FSTL4: variants seen among roughly 807,000 people sequenced by gnomAD.
FSTL4 encodes the protein follistatin like 4.
Under a neutral mutation model 78.2 loss-of-function variants are expected in FSTL4, and 28 were observed. That is an observed-to-expected ratio of 0.36 (90% CI 0.27 to 0.49). The LOEUF is 0.49. Among genes scored for constraint, FSTL4 ranks in the 20% least tolerant of loss-of-function variants. The pLI, the probability that FSTL4 is intolerant of heterozygous loss-of-function variation, is 0.98. For missense variants in FSTL4, 922 were observed against 1,084.9 expected (o/e 0.85, Z 2.11); for synonymous variants, 422 against 440.5 (o/e 0.96, Z 0.53).
At chr5:133,760,595 C>T in the FSTL4 span, among the ~76,000 whole-genome samples, 1 of 152,080 alleles carries the variant, frequency 6.6e-6, no homozygotes, top group Admixed American at 6.5e-5. Flanking sequence ...TGTCGTTTTC[C>T]CAAAATCCCA....
intron 4 of FSTL4, among the ~76,000 whole-genome samples, chr5:133,344,418 G>T (rs1035552655): frequency 6.6e-6 from 1 of 152,186 alleles, no homozygotes; most frequent in Non-Finnish European, 1.5e-5. Context: ...ACATTCTGAT[G>T]ATGTAACCCT....
At chr5:133,330,057 T>C (rs927548252) in intron 4 of FSTL4, among the ~76,000 whole-genome samples, 1 of 152,178 alleles carries the variant, frequency 6.6e-6, no homozygotes, top group Non-Finnish European at 1.5e-5. Flanking sequence ...AATATTCAAG[T>C]TGTCAACATA....
At chr5:133,641,856 T>G in the FSTL4 span, among the ~76,000 whole-genome samples, 1 of 152,020 alleles carries the variant, frequency 6.6e-6, no homozygotes, top group African/African-American at 2.4e-5. Context: ...TTCTTCTTCT[T>G]CTTACCTTTC....
At chr5:133,708,681 C>T in the FSTL4 span, among the ~76,000 whole-genome samples, 1 of 152,244 alleles carries the variant, frequency 6.6e-6, no homozygotes, top group African/African-American at 2.4e-5. Flanking sequence ...GCAACTCTAT[C>T]TCCTGACATT....
the FSTL4 span, among the ~76,000 whole-genome samples, chr5:133,697,634 C>T: frequency 6.6e-6 from 1 of 152,198 alleles, no homozygotes; most frequent in Non-Finnish European, 1.5e-5. Flanking sequence ...CTGAAATGGG[C>T]CCCTTCTGGT....
At chr5:133,709,540 C>G in the FSTL4 span, among the ~76,000 whole-genome samples, 1 of 152,266 alleles carries the variant, frequency 6.6e-6, no homozygotes, top group African/African-American at 2.4e-5. Flanking sequence ...CCATCAGCTG[C>G]TCTTGGCATG....
At chr5:133,256,258 C>G (rs150845522) in intron 6 of FSTL4, among the ~76,000 whole-genome samples, 224 of 152,280 alleles carry the variant, frequency 1.5e-3, no homozygotes, top group African/African-American at 5.1e-3. Context: ...ACATTATTCT[C>G]CTTCTAAATT....
intron 3 of FSTL4, among the ~76,000 whole-genome samples, chr5:133,550,423 G>A (rs895253870): frequency 6.6e-6 from 1 of 152,096 alleles, no homozygotes; most frequent in African/African-American, 2.4e-5. Flanking sequence ...ATTCACCAAA[G>A]ACATCCTAGT....
chr5:133,766,870 T>C, the FSTL4 span, among the ~76,000 whole-genome samples: 578 of 152,328 alleles, frequency 3.8e-3, 1 homozygote, highest in Non-Finnish European at 6.1e-3. Flanking sequence ...TGGGTTCTTT[T>C]GATGCTTCCC....
In FSTL4 at chr5:133,385,923, A is replaced by ATG. The variant is rs199825783; in HGVS notation, c.409+14813_409+14814dup. Among the ~76,000 whole-genome samples, 114 of 152,288 alleles carry ATG rather than the reference A, an allele frequency of 7.5e-4. 3 individuals carry two copies. The East Asian group carries it at 0.022, about 29-fold the overall frequency. On this transcript the variant is annotated intron_variant, in intron 4 of 15. Coordinates refer to ENST00000265342, the MANE Select transcript of FSTL4 (RefSeq NM_015082.2). ...GCCCAGTTGCTGAATGATAATCACT[A>ATG]TGTGTGTGTGTTTTTTTTTTAAATT...
intron 13 of FSTL4, among the ~76,000 whole-genome samples, chr5:133,216,818 G>A (rs908448266): frequency 2.6e-5 from 4 of 152,168 alleles, no homozygotes; most frequent in African/African-American, 9.7e-5. Context: ...GCCCTTGCTT[G>A]GCCTGACTTC....
At chr5:133,344,767 C>T (rs564506930) in intron 4 of FSTL4, among the ~76,000 whole-genome samples, 36 of 152,302 alleles carry the variant, frequency 2.4e-4, no homozygotes, top group East Asian at 7.7e-4. Context: ...TGAAGACTTG[C>T]TTTTCAGAAC....
At chr5:133,359,307 G>T (rs1191342968) in intron 4 of FSTL4, among the ~76,000 whole-genome samples, 1 of 152,194 alleles carries the variant, frequency 6.6e-6, no homozygotes, top group African/African-American at 2.4e-5. Flanking sequence ...AGAAGGCAGG[G>T]ACTGTATCTA....
chr5:133,576,309 C>T (rs1466072215), intron 2 of FSTL4, among the ~76,000 whole-genome samples: 4 of 152,184 alleles, frequency 2.6e-5, no homozygotes, highest in Non-Finnish European at 2.9e-5. Flanking sequence ...ATCATAGTCA[C>T]GCCTCTCCAT....
At chr5:133,455,577 A>C (rs1369043847) in intron 3 of FSTL4, among the ~76,000 whole-genome samples, 1 of 152,214 alleles carries the variant, frequency 6.6e-6, no homozygotes, top group African/African-American at 2.4e-5. Context: ...ATGCAGACTT[A>C]GCCAGCTGAA....
chr5:133,772,971 A>G, the FSTL4 span, among the ~76,000 whole-genome samples: 1 of 152,234 alleles, frequency 6.6e-6, no homozygotes, highest in African/African-American at 2.4e-5. Flanking sequence ...AGCACTTAAT[A>G]TGGCACCTAA....
the FSTL4 span, among the ~76,000 whole-genome samples, chr5:133,708,179 G>A: frequency 7.5e-6 from 1 of 133,118 alleles, no homozygotes. Flanking sequence ...AGGGAGGGAG[G>A]GAGAGGTGGG....
rs757606367 is a variant in FSTL4 at position 133,400,768 on chromosome 5, C to T, written c.379G>A (p.Val127Ile). The T allele has an allele frequency of 9.3e-6, 15 of 1,613,944 alleles. No homozygotes were observed. Among genetic ancestry groups the T allele is most frequent in the South Asian group, 2.2e-5 (2 of 91,080 alleles). ...AACLLGKRIT[V>I]IHSKDCFLKG... Reference sequence around the variant, plus strand: ...AGGAAACAGTCCTTGCTGTGGATGACGGTGATCCTCTTTCCCAGGAGGCAA... The same window carrying T: ...AGGAAACAGTCCTTGCTGTGGATGATGGTGATCCTCTTTCCCAGGAGGCAA... Residue 127 changes from valine to isoleucine, a missense_variant, in exon 4 of 16, where the codon GTC (valine) becomes ATC (isoleucine). Transcript: ENST00000265342.
At chr5:133,534,032 T>G (rs1170184797) in intron 3 of FSTL4, among the ~76,000 whole-genome samples, 1 of 152,158 alleles carries the variant, frequency 6.6e-6, no homozygotes, top group African/African-American at 2.4e-5. Flanking sequence ...TTTGTGCTAC[T>G]ATAACAGAAT....
Sources: allele counts gnomAD v4.1 joint callset (sites outside exome capture counted in the v4.1 genomes callset), GRCh38; gene constraint gnomAD v4.1.1; transcripts MANE v1.5; gene names NCBI Gene and HGNC (gene_info 2026-07-23, HGNC 2026-07-21).